The following TMEM17 variants were observed in gnomAD, a reference collection of about 807,000 sequenced individuals.
TMEM17 encodes transmembrane protein 17.
TMEM17 carries 15 observed loss-of-function variants against 19.1 expected under a neutral mutation model. That is an observed-to-expected ratio of 0.78 (90% confidence interval 0.52 to 1.21). The LOEUF is 1.21. TMEM17 is among the 50% of genes most tolerant of loss of function. The pLI, the probability that TMEM17 is intolerant of heterozygous loss-of-function variation, is 0.00. For missense variants in TMEM17, 245 were observed against 242.3 expected (o/e 1.01, Z -0.07); for synonymous variants, 103 against 86.9 (o/e 1.19, Z -1.03).
chr2:62,486,043 A>G, the TMEM17 span, among the ~76,000 whole-genome samples: 825 of 152,322 alleles, frequency 5.4e-3, 3 homozygotes, highest in Non-Finnish European at 8.0e-3. Flanking sequence ...GCATAGTTCA[A>G]TGTCCTGAAA....
At chr2:62,502,571 T>C (rs1033987723) in intron 2 of TMEM17, 21 bp from the exon 3 acceptor site, 1 of 1,538,964 alleles carries the variant, frequency 6.5e-7, no homozygotes, top group Non-Finnish European at 8.9e-7. Context: ...AGCCAAAACA[T>C]GTTTGTAAAA....
Position 62,506,051 on chromosome 2 carries a change from G to C in TMEM17, c.79C>G (p.Pro27Ala). The C allele has an allele frequency of 1.2e-6, 2 of 1,611,184 alleles. No individual in the cohort carries two copies. Among genetic ancestry groups the C allele is most frequent in the Non-Finnish European group, 8.5e-7 (1 of 1,178,910 alleles). The change falls in exon 1 of 4, where the codon CCA becomes GCA. Residue 27 changes from proline to alanine, a missense_variant. Transcript: ENST00000335390. ...TCACCCGGACCCTCATTGGACTCTG[G>C]ACCGGTCCGATTGGAATCACTGAAC... is the stretch of plus-strand genomic sequence containing the variant. Reference protein sequence around the residue: ...AVFSDSNRTGPESNEGPENEM... With the variant: ...AVFSDSNRTGAESNEGPENEM...
chr2:62,466,995 A>ATTTC, the TMEM17 span, among the ~76,000 whole-genome samples: 1 of 151,920 alleles, frequency 6.6e-6, no homozygotes, highest in African/African-American at 2.4e-5. Flanking sequence ...TTATTTATTT[A>ATTTC]TTTGAGATGG....
the TMEM17 span, among the ~76,000 whole-genome samples, chr2:62,479,037 G>A: frequency 4.3e-3 from 659 of 152,256 alleles, 2 homozygotes; most frequent in African/African-American, 0.015. Context: ...TAGCATATGC[G>A]TCATCTCAAA....
chr2:62,456,713 G>A, the TMEM17 span, among the ~76,000 whole-genome samples: 3 of 152,252 alleles, frequency 2.0e-5, no homozygotes, highest in Admixed American at 2.0e-4. Flanking sequence ...TGGTCTTGAG[G>A]AAGACATCAG....
At chr2:62,461,142 G>A in the TMEM17 span, among the ~76,000 whole-genome samples, 1 of 152,184 alleles carries the variant, frequency 6.6e-6, no homozygotes, top group Admixed American at 6.5e-5. Flanking sequence ...CTCCTGTGAC[G>A]TTTCTTCAAC....
chr2:62,503,415 C>A (rs542673909), intron 1 of TMEM17, among the ~76,000 whole-genome samples: 42 of 152,308 alleles, frequency 2.8e-4, no homozygotes, highest in Admixed American at 7.2e-4. Context: ...GAACCACACT[C>A]CCCTCCCCAA....
the TMEM17 span, among the ~76,000 whole-genome samples, chr2:62,480,157 AT>A: frequency 1.3e-5 from 2 of 151,884 alleles, no homozygotes; most frequent in Admixed American, 6.6e-5. Flanking sequence ...TTCCCTGATG[AT>A]TAGTGACGTT....
chr2:62,470,681 C>T, the TMEM17 span, among the ~76,000 whole-genome samples: 1 of 152,212 alleles, frequency 6.6e-6, no homozygotes, highest in African/African-American at 2.4e-5. Context: ...ACCAGCTTCT[C>T]TTCACCTTCT....
At chr2:62,502,666 C>CA (rs763409021) in intron 2 of TMEM17, 25 bp downstream of exon 2, 1 of 1,552,376 alleles carries the variant, frequency 6.4e-7, no homozygotes, top group Non-Finnish European at 8.7e-7. Context: ...GTCAGGGCAG[C>CA]AAAAGTATTA....
chr2:62,481,798 C>T, the TMEM17 span, among the ~76,000 whole-genome samples: 84 of 151,278 alleles, frequency 5.6e-4, 1 homozygote, highest in Middle Eastern at 3.5e-3. Flanking sequence ...GCGAGGCTAT[C>T]GTCTTTGTGT....
chr2:62,490,618 C>T, the TMEM17 span, among the ~76,000 whole-genome samples: 24 of 151,976 alleles, frequency 1.6e-4, no homozygotes, highest in South Asian at 6.2e-4. Flanking sequence ...TCTCATATTT[C>T]GAAGCTTAAA....
chr2:62,498,693 G>A, downstream of TMEM17, among the ~76,000 whole-genome samples: 1 of 147,214 alleles, frequency 6.8e-6, no homozygotes. Context: ...TCCAGCCTGG[G>A]CGACAGAGCG....
At chr2:62,454,670 A>G in the TMEM17 span, among the ~76,000 whole-genome samples, 1 of 152,178 alleles carries the variant, frequency 6.6e-6, no homozygotes, top group African/African-American at 2.4e-5. Flanking sequence ...GCCTTTAATA[A>G]AACAAAAAAC....
At chr2:62,484,475 G>A in the TMEM17 span, among the ~76,000 whole-genome samples, 2 of 152,018 alleles carry the variant, frequency 1.3e-5, no homozygotes, top group African/African-American at 4.8e-5. Context: ...TTTGAAATGT[G>A]GTGTGTGTGA....
the TMEM17 span, among the ~76,000 whole-genome samples, chr2:62,478,782 G>A: frequency 6.6e-6 from 1 of 151,928 alleles, no homozygotes; most frequent in Admixed American, 6.6e-5. Flanking sequence ...TAAAAGATAA[G>A]TTTTAAAAAT....
chr2:62,502,850 A>C, intron 1 of TMEM17, 56 bp from the exon 2 acceptor site: 1 of 1,030,524 alleles, frequency 9.7e-7, no homozygotes, highest in Non-Finnish European at 1.4e-6. Flanking sequence ...TGCCCTATAT[A>C]TATATATCCT....
At chr2:62,468,564 T>A in the TMEM17 span, among the ~76,000 whole-genome samples, 1 of 152,182 alleles carries the variant, frequency 6.6e-6, no homozygotes, top group East Asian at 1.9e-4. Context: ...ACTGTGTGTA[T>A]GTGGGTGCAT....
At chr2:62,483,996 C>T in the TMEM17 span, among the ~76,000 whole-genome samples, 5 of 152,188 alleles carry the variant, frequency 3.3e-5, no homozygotes, top group African/African-American at 7.2e-5. Context: ...AAATTTCCTG[C>T]CTTAGCTCTT....
Sources: gnomAD v4.1 joint callset for allele counts (sites outside exome capture counted in the v4.1 genomes callset) on GRCh38, gnomAD v4.1.1 for gene constraint, MANE v1.5 for transcripts, NCBI Gene and HGNC (gene_info 2026-07-23, HGNC 2026-07-21) for gene names.